Variants in LRRIQ1 observed in about 807,000 individuals in gnomAD.
LRRIQ1 encodes leucine-rich repeat- and IQ domain-containing protein 1.
A neutral mutation model predicts 211.9 loss-of-function variants in LRRIQ1; 210 were observed. That is an observed-to-expected ratio of 0.99 (90% CI 0.89 to 1.11). The LOEUF (loss-of-function observed/expected upper bound fraction) is 1.11. Among genes scored for constraint, LRRIQ1 ranks in the 50% most tolerant of loss-of-function variants. The probability of loss-of-function intolerance (pLI) is 0.00; values close to 1 mark genes in which losing one functional copy is unlikely to be tolerated. For synonymous variants in LRRIQ1, 699 were observed against 650.1 expected, an observed-to-expected ratio of 1.08 and a Z score of -1.14; for missense variants, 2,136 against 1,939.5, an observed-to-expected ratio of 1.10 and a Z score of -1.90.
chr12:85,152,987 A>G (rs1890332645), intron 20 of LRRIQ1, 37 bp from the exon 21 acceptor site: 1 of 1,456,762 alleles, frequency 6.9e-7, no homozygotes, highest in Non-Finnish European at 9.4e-7. Context: ...AGGATTTTTT[A>G]TTTTACTTCA....
In LRRIQ1 at chr12:85,124,412, A is replaced by C; in HGVS notation, c.3900A>C (p.Glu1300Asp). The change falls in exon 17 of 27, where the codon GAA (glutamate) becomes GAC (aspartate). Residue 1300 changes from glutamate to aspartate, a missense_variant. By Grantham distance (45) the Glu-to-Asp change is conservative. Transcript: ENST00000393217. ...HQEILVCQKR[E>D]DSKASSIPTI... ...AAATATTAGTATGTCAGAAGAGAGA[A>C]GACAGCAAGGCAAGCAGTATTCCCA... 6.2e-7 allele frequency: 1 copy of C among 1,614,124 alleles called. No homozygotes were observed. The highest frequency in any genetic ancestry group is 8.5e-7 in the Non-Finnish European group (1 of 1,180,028).
chr12:85,132,295 T>C (rs1035467044), intron 18 of LRRIQ1, among the ~76,000 whole-genome samples: 1 of 152,010 alleles, frequency 6.6e-6, no homozygotes, highest in Admixed American at 6.6e-5. Context: ...GGAAAAAAGA[T>C]AATCAAGAGA....
intron 18 of LRRIQ1, 90 bp from the exon 19 acceptor site, chr12:85,137,760 A>T (rs1010840500): frequency 5.6e-6 from 6 of 1,072,728 alleles, no homozygotes; most frequent in Admixed American, 5.8e-5. Context: ...TAGGTCTAAG[A>T]TGTTTTATCT....
At chr12:85,074,137 G>A (rs1242288000) in intron 11 of LRRIQ1, among the ~76,000 whole-genome samples, 1 of 151,756 alleles carries the variant, frequency 6.6e-6, no homozygotes, top group Non-Finnish European at 1.5e-5. Flanking sequence ...TATTTATTTG[G>A]TTGATACTAT....
At position 85,153,672 on chromosome 12, in the gene LRRIQ1, TA is replaced by T. The variant is rs778930164; in HGVS notation, c.4555del (p.Thr1519LeufsTer16). The T allele has an allele frequency of 2.5e-6, 4 of 1,580,878 alleles. No individual in the cohort carries two copies. The highest frequency in any genetic ancestry group is 1.2e-5 in the South Asian group (1 of 84,908). On this transcript the variant is annotated frameshift_variant, in exon 22 of 27. Transcript: ENST00000393217. LOFTEE classifies it high-confidence loss of function. ...TTTTTTCTATTGCCAGATCAGAAAA[TA>T]AAACTTCTTCCTGGACACCTGAATC... ...HTQFNSRSENKTSSWTPESKT... is the reference protein window; with the variant it reads ...HTQFNSRSENXTSSWTPESKT...
chr12:85,123,905 A>G (rs1888166431), intron 16 of LRRIQ1, among the ~76,000 whole-genome samples, 165 bp from the exon 17 acceptor site: 1 of 152,166 alleles, frequency 6.6e-6, no homozygotes, highest in African/African-American at 2.4e-5. Context: ...TTTGTTATAA[A>G]CGAGATCAAT....
chr12:85,245,163 C>A, downstream of LRRIQ1: 1 of 572,660 alleles, frequency 1.7e-6, no homozygotes, highest in Non-Finnish European at 2.6e-6. Flanking sequence ...GCCCCCCACA[C>A]CCTGTGAATC....
At chr12:85,236,741 T>C (rs1895188695) in intron 26 of LRRIQ1, among the ~76,000 whole-genome samples, 1 of 150,518 alleles carries the variant, frequency 6.6e-6, no homozygotes. Context: ...TGGATACATA[T>C]ATATATTTGG....
chr12:85,246,828 G>A (rs2137284874), downstream of LRRIQ1, among the ~76,000 whole-genome samples: 2 of 151,484 alleles, frequency 1.3e-5, no homozygotes, highest in Middle Eastern at 6.8e-3. Context: ...AATACTACTT[G>A]CTTAATCACT....
intron 1 of LRRIQ1, among the ~76,000 whole-genome samples, chr12:85,253,743 T>C (rs1216551242): frequency 6.6e-6 from 1 of 152,060 alleles, no homozygotes; most frequent in Non-Finnish European, 1.5e-5. Flanking sequence ...TACTTCCTAA[T>C]CCTTGCTGTT....
intron 11 of LRRIQ1, among the ~76,000 whole-genome samples, chr12:85,086,540 C>T (rs1050991905): frequency 1.1e-4 from 17 of 152,054 alleles, no homozygotes; most frequent in Non-Finnish European, 1.5e-4. Context: ...ACTATGCTTC[C>T]TGTAAAGCCT....
At chr12:85,270,154 A>G in the LRRIQ1 span, among the ~76,000 whole-genome samples, 1 of 152,040 alleles carries the variant, frequency 6.6e-6, no homozygotes, top group Admixed American at 6.6e-5. Flanking sequence ...GATCATGTCC[A>G]CTCATAGCAG....
At chr12:85,239,997 T>A (rs531463357) in intron 26 of LRRIQ1, among the ~76,000 whole-genome samples, 19 of 151,812 alleles carry the variant, frequency 1.3e-4, no homozygotes, top group South Asian at 6.2e-4. Context: ...TAAAATATAA[T>A]CAAATAAATA....
chr12:85,254,809 T>G (rs1417763031), intron 1 of LRRIQ1, among the ~76,000 whole-genome samples: 1 of 152,040 alleles, frequency 6.6e-6, no homozygotes, highest in African/African-American at 2.4e-5. Context: ...GTTCATGTAA[T>G]ATAATCAAAA....
Position 85,038,218 on chromosome 12 carries a change from T to G in LRRIQ1, c.42T>G (p.Ala14=). 1 of 1,583,638 alleles carries G rather than the reference T, an allele frequency of 6.3e-7. No homozygotes were observed. Among genetic ancestry groups the G allele is most frequent in the Non-Finnish European group, 8.6e-7 (1 of 1,163,340 alleles). ...DDAKLKAEIE[A]ELDKLSISSL... is the part of the protein sequence containing the mutation. ...CAAAGCTCAAAGCAGAAATAGAAGCTGAATTGGATAAACTCAGCATTTCCT... is the reference window on the plus strand; with the variant it reads ...CAAAGCTCAAAGCAGAAATAGAAGCGGAATTGGATAAACTCAGCATTTCCT... Residue 14 remains alanine (A), a synonymous_variant, in exon 2 of 27, where the codon GCT becomes GCG. Coordinates refer to ENST00000393217, the MANE Select transcript of LRRIQ1 (RefSeq NM_001079910.2).
intron 24 of LRRIQ1, among the ~76,000 whole-genome samples, chr12:85,209,272 AT>A (rs1329704861): frequency 1.3e-5 from 2 of 152,198 alleles, no homozygotes; most frequent in Non-Finnish European, 2.9e-5. Flanking sequence ...ACTTGCAATC[AT>A]GGCAGAAGGA....
At chr12:85,099,499 A>G (rs1407566421) in intron 13 of LRRIQ1, among the ~76,000 whole-genome samples, 1 of 151,924 alleles carries the variant, frequency 6.6e-6, no homozygotes, top group Non-Finnish European at 1.5e-5. Flanking sequence ...CATTCAATTG[A>G]AATGGGTACC....
intron 24 of LRRIQ1, among the ~76,000 whole-genome samples, chr12:85,167,529 A>G (rs1891212765): frequency 6.6e-6 from 1 of 152,188 alleles, no homozygotes. Context: ...GTTCTAGGGC[A>G]GGAAGCATTC....
intron 24 of LRRIQ1, among the ~76,000 whole-genome samples, chr12:85,211,042 C>A (rs1893812886): frequency 6.6e-6 from 1 of 152,210 alleles, no homozygotes; most frequent in Non-Finnish European, 1.5e-5. Flanking sequence ...GAGACCCACA[C>A]AAATATGCTG....
Sources: allele counts gnomAD v4.1 joint callset (sites outside exome capture counted in the v4.1 genomes callset), GRCh38; gene constraint gnomAD v4.1.1; transcripts MANE v1.5; gene names NCBI Gene and HGNC (gene_info 2026-07-23, HGNC 2026-07-21).